Variants in RUNX2 observed in about 807,000 individuals in gnomAD.
RUNX2 encodes the protein runt-related transcription factor 2.
Under a neutral mutation model 51.7 loss-of-function variants are expected in RUNX2, and 10 were observed. That is an observed-to-expected ratio of 0.19 (90% CI 0.12 to 0.33). The LOEUF (loss-of-function observed/expected upper bound fraction) is 0.33. RUNX2 is among the 10% of genes least tolerant of loss of function. RUNX2 has a pLI of 1.00. For synonymous variants in RUNX2, 276 were observed against 273.6 expected (o/e 1.01, Z -0.09); for missense variants, 562 against 691.3 (o/e 0.81, Z 2.10).
chr6:45,467,967 T>C lies in RUNX2; in HGVS notation c.686-23974T>C, dbSNP rs79983283. Among the ~76,000 whole-genome samples, 962 of 152,352 alleles carry C rather than the reference T, an allele frequency of 6.3e-3. 9 individuals carry two copies. The highest frequency in any genetic ancestry group is 0.022 in the African/African-American group (900 of 41,574). ...TTAAAGTTCTTTTCATGCAGTGCTG[T>C]AACTCAGTTTTCCTCGATCTCAGCT... is the stretch of plus-strand genomic sequence containing the variant. On this transcript the variant is annotated intron_variant, in intron 5 of 8. Transcript: ENST00000647337.
intron 5 of RUNX2, among the ~76,000 whole-genome samples, chr6:45,467,934 C>G (rs1002583778): frequency 1.3e-5 from 2 of 152,206 alleles, no homozygotes; most frequent in African/African-American, 4.8e-5. Context: ...CTACCAGCCT[C>G]TTTCTCCTTA....
At chr6:45,535,946 T>C (rs1351285563) in intron 7 of RUNX2, among the ~76,000 whole-genome samples, 1 of 151,954 alleles carries the variant, frequency 6.6e-6, no homozygotes, top group Non-Finnish European at 1.5e-5. Flanking sequence ...TGGGACAAGA[T>C]TGTTGCTCTT....
chr6:45,540,017 C>T (rs978452940), intron 7 of RUNX2, among the ~76,000 whole-genome samples: 1 of 152,144 alleles, frequency 6.6e-6, no homozygotes, highest in Non-Finnish European at 1.5e-5. Flanking sequence ...AGCCAGAGCT[C>T]GCTTACTTTG....
In RUNX2 at chr6:45,472,241, G is replaced by A. The variant is rs192982151; in HGVS notation, c.686-19700G>A. Among the ~76,000 whole-genome samples the A allele has an allele frequency of 2.2e-4, 34 of 152,284 alleles. No homozygotes were observed. The East Asian group carries it at 3.9e-3, about 17-fold the overall frequency. ...AAAACTAGATGTAAAGGTATTACTG[G>A]AAAGGAAAGTGAGCAGAGGGCTTTC... On this transcript the variant is annotated intron_variant, in intron 5 of 8. Coordinates refer to ENST00000647337, the MANE Select transcript of RUNX2 (RefSeq NM_001024630.4).
intron 6 of RUNX2, among the ~76,000 whole-genome samples, chr6:45,499,003 A>T (rs1323641428): frequency 6.6e-6 from 1 of 152,158 alleles, no homozygotes; most frequent in Non-Finnish European, 1.5e-5. Flanking sequence ...TAAGAGGCTC[A>T]GATACTGTTG....
At chr6:45,519,264 G>A (rs1270313982) in intron 7 of RUNX2, among the ~76,000 whole-genome samples, 1 of 152,144 alleles carries the variant, frequency 6.6e-6, no homozygotes, top group African/African-American at 2.4e-5. Context: ...TAAGTTTACA[G>A]AAAAATGGAG....
rs998376597 is a variant in RUNX2, at chr6:45,383,612, A to G, written c.59-38981A>G. Among the ~76,000 whole-genome samples, 42 of 151,536 alleles carry G rather than the reference A, an allele frequency of 2.8e-4. 1 individual carries two copies. The highest frequency in any genetic ancestry group is 2.7e-3 in the Admixed American group (41 of 15,174). On this transcript the variant is annotated intron_variant, in intron 2 of 8. Coordinates refer to ENST00000647337, the MANE Select transcript of RUNX2 (RefSeq NM_001024630.4). ...AGAAAAGCTAAACATCCCCTTGTTT[A>G]AAAAAAAAGAAAAAGAAAAATATTT...
At chr6:45,498,218 C>T (rs1800702824) in intron 6 of RUNX2, among the ~76,000 whole-genome samples, 1 of 152,192 alleles carries the variant, frequency 6.6e-6, no homozygotes, top group Admixed American at 6.5e-5. Context: ...ACCTCACTTT[C>T]ATTTATTCAG....
intron 2 of RUNX2, among the ~76,000 whole-genome samples, chr6:45,335,364 T>C (rs1404208739): frequency 6.6e-6 from 1 of 151,250 alleles, no homozygotes; most frequent in African/African-American, 2.4e-5. Flanking sequence ...TGTAATATGG[T>C]ATTACATTTT....
At chr6:45,466,665 T>C (rs779178778) in intron 5 of RUNX2, among the ~76,000 whole-genome samples, 1 of 152,232 alleles carries the variant, frequency 6.6e-6, no homozygotes, top group Non-Finnish European at 1.5e-5. Context: ...AGGATTCCAG[T>C]AGGAGTACGT....
At chr6:45,413,397 TC>T (rs1797994801) in intron 2 of RUNX2, among the ~76,000 whole-genome samples, 1 of 150,700 alleles carries the variant, frequency 6.6e-6, no homozygotes, top group African/African-American at 2.4e-5. Flanking sequence ...TATCAATACT[TC>T]AAGTAGATAC....
intron 2 of RUNX2, among the ~76,000 whole-genome samples, chr6:45,384,341 G>A (rs1265505018): frequency 1.3e-5 from 2 of 152,104 alleles, no homozygotes; most frequent in Non-Finnish European, 2.9e-5. Flanking sequence ...GCTGAGTGCA[G>A]TGGCATGATC....
Position 45,378,580 on chromosome 6 carries a change from T to A in RUNX2, c.59-44013T>A, listed in dbSNP as rs186311682. ...ATCTGTTTCATTAATCTGCTATTAA[T>A]GTTTTTTCCCCAACTCATGTTACTA... On this transcript the variant is annotated intron_variant, in intron 2 of 8. Transcript: ENST00000647337. Among the ~76,000 whole-genome samples the A allele has an allele frequency of 2.2e-3, 340 of 152,258 alleles. 2 individuals are homozygous for A. Among genetic ancestry groups the A allele is most frequent in the Admixed American group, 4.6e-3 (70 of 15,300 alleles).
chr6:45,473,288 G>C (rs1157077703), intron 5 of RUNX2, among the ~76,000 whole-genome samples: 2 of 151,588 alleles, frequency 1.3e-5, no homozygotes, highest in African/African-American at 4.9e-5. Context: ...TGCCAATTGT[G>C]TCTGAAGTAA....
At chr6:45,466,067 A>C (rs143500139) in intron 5 of RUNX2, among the ~76,000 whole-genome samples, 2 of 152,290 alleles carry the variant, frequency 1.3e-5, no homozygotes, top group African/African-American at 2.4e-5. Flanking sequence ...TAATCCCAGC[A>C]CTTTGGGAAG....
chr6:45,537,934 AG>A (rs1266084742), intron 7 of RUNX2, among the ~76,000 whole-genome samples: 1 of 152,232 alleles, frequency 6.6e-6, no homozygotes. Context: ...AATATTTTCA[AG>A]TCTCTTGTTT....
chr6:45,376,862 T>C (rs1210125951), intron 2 of RUNX2, among the ~76,000 whole-genome samples: 2 of 152,184 alleles, frequency 1.3e-5, no homozygotes, highest in Non-Finnish European at 2.9e-5. Flanking sequence ...TACATACATA[T>C]ATACACATAC....
intron 5 of RUNX2, among the ~76,000 whole-genome samples, chr6:45,480,085 A>C (rs1205989956): frequency 6.6e-6 from 1 of 152,216 alleles, no homozygotes; most frequent in Non-Finnish European, 1.5e-5. Flanking sequence ...TACTGGGATT[A>C]ACACAATAGA....
intron 2 of RUNX2, among the ~76,000 whole-genome samples, chr6:45,408,979 G>T (rs1484019916): frequency 6.6e-6 from 1 of 152,120 alleles, no homozygotes; most frequent in African/African-American, 2.4e-5. Context: ...ATGAATATTT[G>T]GTGCTCTTGG....
Sources: allele counts gnomAD v4.1 joint callset (sites outside exome capture counted in the v4.1 genomes callset), GRCh38; gene constraint gnomAD v4.1.1; transcripts MANE v1.5; gene names NCBI Gene and HGNC (gene_info 2026-07-23, HGNC 2026-07-21).